The following ANKRD46 variants were observed in gnomAD, a reference collection of about 807,000 sequenced individuals.
ANKRD46 encodes ankyrin repeat domain-containing protein 46.
A neutral mutation model predicts 19.8 loss-of-function variants in ANKRD46; 13 were observed. The observed-to-expected ratio is 0.66, with a 90% confidence interval of 0.43 to 1.04. The LOEUF (loss-of-function observed/expected upper bound fraction) is 1.04, where lower values mean the gene tolerates loss of function less well. Ranked by LOEUF, ANKRD46 falls within the 50% of genes least tolerant of loss-of-function variation. ANKRD46 has a pLI of 0.00. For synonymous variants in ANKRD46, 91 were observed against 106.9 expected, an observed-to-expected ratio of 0.85 and a Z score of 0.92; for missense variants, 185 against 274.8, an observed-to-expected ratio of 0.67 and a Z score of 2.31.
At chr8:100,549,249 C>T (rs1415521475) in intron 1 of ANKRD46, among the ~76,000 whole-genome samples, 2 of 151,490 alleles carry the variant, frequency 1.3e-5, no homozygotes, top group Non-Finnish European at 2.9e-5. Context: ...GGACTACAGG[C>T]GTGAGCCACT....
At chr8:100,539,718 T>C (rs1348427812) in intron 1 of ANKRD46, among the ~76,000 whole-genome samples, 4 of 152,220 alleles carry the variant, frequency 2.6e-5, no homozygotes, top group Non-Finnish European at 5.9e-5. Context: ...AAAAATGAGG[T>C]TAATTTGAAG....
In ANKRD46 at chr8:100,525,788, T is replaced by C. The variant is rs1022397500; in HGVS notation, c.470+2057A>G. ...GGCACTGCTGGTCAGATGGTAACTCTACGTGTAGCTTTTTGAAGGACTGCC... is the reference window on the plus strand; with the variant it reads ...GGCACTGCTGGTCAGATGGTAACTCCACGTGTAGCTTTTTGAAGGACTGCC... On this transcript the variant is annotated intron_variant, in intron 4 of 4. Coordinates refer to ENST00000335659, the MANE Select transcript of ANKRD46 (RefSeq NM_001270377.2). This position sits in a 1 kb window ranked among gnomAD's most constrained non-coding sequence, Gnocchi z 4.4. Among the ~76,000 whole-genome samples, 5 of 152,232 alleles carry C rather than the reference T, an allele frequency of 3.3e-5. No homozygotes were observed. The highest frequency in any genetic ancestry group is 4.8e-5 in the African/African-American group (2 of 41,466).
intron 5 of ANKRD46, among the ~76,000 whole-genome samples, chr8:100,515,333 C>G (rs967542159): frequency 6.6e-6 from 1 of 152,160 alleles, no homozygotes; most frequent in East Asian, 1.9e-4. Flanking sequence ...AGCTTCCTCA[C>G]GGTATTTCCA....
rs1811984507 is a variant in ANKRD46, at chr8:100,532,443, T to C, written c.-28+766A>G. On this transcript the variant is annotated intron_variant, in intron 2 of 4. Coordinates refer to ENST00000335659, the MANE Select transcript of ANKRD46 (RefSeq NM_001270377.2). This position sits in a 1 kb window ranked among gnomAD's most constrained non-coding sequence, Gnocchi z 4.7. ...GTGATTGAGCCACAGCACTCCAGCC[T>C]GGGCATCAAAGTGAGGCCTGTCTCA... 6.6e-6 allele frequency: 1 copy of C among 152,162 alleles called. No homozygotes were observed. The highest frequency in any genetic ancestry group is 1.5e-5 in the Non-Finnish European group (1 of 68,048). 9.4% of individuals were successfully genotyped at this position (152,162 alleles called of 1,614,324 possible). A position where few individuals can be genotyped will look rare whatever the true frequency, so the allele number is the denominator to read the frequency against.
chr8:100,545,913 G>C lies in ANKRD46; in HGVS notation c.-130-12602C>G, dbSNP rs1336528605. On this transcript the variant is annotated intron_variant, in intron 1 of 4. Coordinates refer to ENST00000335659, the MANE Select transcript of ANKRD46 (RefSeq NM_001270377.2). The surrounding 1 kb of genome is among the most constrained non-coding windows in gnomAD (Gnocchi z 4.7). ...CATTTTGCCCCTGACCTAGAGATCT[G>C]CGGAACTTTGAACTTGAGAGAGATG... Among the ~76,000 whole-genome samples, 1 of 152,214 alleles carries C rather than the reference G, an allele frequency of 6.6e-6. No individual in the cohort carries two copies. Among genetic ancestry groups the C allele is most frequent in the East Asian group, 1.9e-4 (1 of 5,202 alleles).
rs976707348 is a variant in ANKRD46, at chr8:100,543,017, T to C, written c.-130-9706A>G. Among the ~76,000 whole-genome samples the C allele has an allele frequency of 3.3e-5, 5 of 152,200 alleles. No individual in the cohort carries two copies. Among genetic ancestry groups the C allele is most frequent in the Non-Finnish European group, 4.4e-5 (3 of 68,040 alleles). On this transcript the variant is annotated intron_variant, in intron 1 of 4. Coordinates refer to ENST00000335659, the MANE Select transcript of ANKRD46 (RefSeq NM_001270377.2). This position sits in a 1 kb window ranked among gnomAD's most constrained non-coding sequence, Gnocchi z 4.2. ...TTACATGTGTGTACTCAGAGCATTC[T>C]GGAGAATCTTTCAGAAACGGGAAAA... is the stretch of plus-strand genomic sequence containing the variant.
intron 5 of ANKRD46, among the ~76,000 whole-genome samples, chr8:100,515,556 C>T (rs1427944543): frequency 6.6e-6 from 1 of 151,170 alleles, no homozygotes; most frequent in Non-Finnish European, 1.5e-5. Context: ...TTTGGCCTAA[C>T]TATGAAAGTA....
Position 100,534,764 on chromosome 8 carries a change from G to A in ANKRD46, c.-130-1453C>T, listed in dbSNP as rs1399028969. Among the ~76,000 whole-genome samples, 1 of 152,130 alleles carries A rather than the reference G, an allele frequency of 6.6e-6. No homozygotes were observed. The highest frequency in any genetic ancestry group is 1.9e-4 in the East Asian group (1 of 5,196). ...AATCCACAAGAAGGACAATGCTTCT[G>A]CAATTTTTTCTTTTTTTATTTTTGA... On this transcript the variant is annotated intron_variant, in intron 1 of 4. Coordinates refer to ENST00000335659, the MANE Select transcript of ANKRD46 (RefSeq NM_001270377.2). The surrounding 1 kb of genome is among the most constrained non-coding windows in gnomAD (Gnocchi z 4.2).
chr8:100,549,276 G>GT (rs1162713415), intron 1 of ANKRD46, among the ~76,000 whole-genome samples: 10 of 151,954 alleles, frequency 6.6e-5, no homozygotes, highest in Non-Finnish European at 1.5e-4. Context: ...AGCCTGGAAT[G>GT]TTTTAACAAG....
intron 4 of ANKRD46, among the ~76,000 whole-genome samples, chr8:100,526,646 T>C (rs1397154223): frequency 6.6e-6 from 1 of 152,136 alleles, no homozygotes; most frequent in East Asian, 1.9e-4. Flanking sequence ...TAGGACTGTA[T>C]TAAAGTGCTT....
At chr8:100,541,493 G>C (rs1390534928) in intron 1 of ANKRD46, among the ~76,000 whole-genome samples, 4 of 152,154 alleles carry the variant, frequency 2.6e-5, no homozygotes, top group Non-Finnish European at 4.4e-5. Context: ...ACTGTTATGT[G>C]AACAACACAG....
intron 1 of ANKRD46, among the ~76,000 whole-genome samples, chr8:100,538,575 CAAACAGGG>C (rs1343445212): frequency 6.6e-6 from 1 of 152,090 alleles, no homozygotes; most frequent in East Asian, 1.9e-4. Context: ...CATCCCTCTT[CAAACAGGG>C]GTTTGAAGAG....
intron 2 of ANKRD46, among the ~76,000 whole-genome samples, chr8:100,530,748 T>C (rs993301921): frequency 1.3e-5 from 2 of 152,216 alleles, no homozygotes; most frequent in African/African-American, 4.8e-5. Context: ...AATCAGAGCA[T>C]GAAATCAATT....
Position 100,554,946 on chromosome 8 carries a change from C to T in ANKRD46, c.-131+4765G>A, listed in dbSNP as rs896387571. Among the ~76,000 whole-genome samples, 3 of 147,326 alleles carry T rather than the reference C, an allele frequency of 2.0e-5. No individual in the cohort carries two copies. The East Asian group carries it at 6.1e-4, about 30-fold the overall frequency. On this transcript the variant is annotated intron_variant, in intron 1 of 4. Coordinates refer to ENST00000335659, the MANE Select transcript of ANKRD46 (RefSeq NM_001270377.2). ...ACTCAGGAGGCTGAGGCAGGAGAAT[C>T]GTTTGATGCAGTGAGCCAAGATTGT...
At chr8:100,509,833 G>A (rs1411765013) in exon 6 of ANKRD46, 2 of 152,228 alleles carry the variant, frequency 1.3e-5, no homozygotes, top group Non-Finnish European at 2.9e-5. Flanking sequence ...CTTCAGGGAT[G>A]GACTCTGGGC....
In ANKRD46 at chr8:100,521,140, A is replaced by G. The variant is rs190572576; in HGVS notation, c.*1415T>C. On this transcript the variant is annotated 3_prime_UTR_variant, in exon 5 of 5. Coordinates refer to ENST00000335659, the MANE Select transcript of ANKRD46 (RefSeq NM_001270377.2). Reference sequence around the variant, plus strand: ...TACAACAGCTATTAAAGAGAGGATAAAGCCACATGAAAGAGCAAGCCTCAA... The same window carrying G: ...TACAACAGCTATTAAAGAGAGGATAGAGCCACATGAAAGAGCAAGCCTCAA... 1.1e-5 allele frequency: 11 copies of G among 985,090 alleles called. No individual in the cohort carries two copies. In the Admixed American group the frequency reaches 6.2e-4, roughly 55 times the overall value. The allele number at this position is 985,090 out of a possible 1,614,324, so 61.0% of individuals were successfully genotyped here.
At chr8:100,542,656 C>T (rs1359258744) in intron 1 of ANKRD46, among the ~76,000 whole-genome samples, 1 of 152,030 alleles carries the variant, frequency 6.6e-6, no homozygotes, top group East Asian at 1.9e-4. Flanking sequence ...GAAGTACATG[C>T]TTAGAAATGG....
At position 100,544,176 on chromosome 8, in the gene ANKRD46, A is replaced by C. The variant is rs1367402594; in HGVS notation, c.-130-10865T>G. 6.6e-6 allele frequency among the ~76,000 whole-genome samples: 1 copy of C among 152,158 alleles called. No individual in the cohort carries two copies. Among genetic ancestry groups the C allele is most frequent in the African/African-American group, 2.4e-5 (1 of 41,432 alleles). ...CCTTTTGGCTACCCCAAGCAGCAAG[A>C]AATCTGCCCATACAACCATCCCTAA... On this transcript the variant is annotated intron_variant, in intron 1 of 4. Coordinates refer to ENST00000335659, the MANE Select transcript of ANKRD46 (RefSeq NM_001270377.2). The surrounding 1 kb of genome is among the most constrained non-coding windows in gnomAD (Gnocchi z 4.4).
Position 100,510,486 on chromosome 8 carries a change from G to T in ANKRD46, c.*91C>A. 2.3e-6 allele frequency: 3 copies of T among 1,278,434 alleles called. No homozygotes were observed. Among genetic ancestry groups the T allele is most frequent in the Non-Finnish European group, 2.1e-6 (2 of 935,968 alleles). 79.2% of individuals were successfully genotyped at this position (1,278,434 alleles called of 1,614,324 possible). A position where few individuals can be genotyped will look rare whatever the true frequency, so the allele number is the denominator to read the frequency against. On this transcript the variant is annotated 3_prime_UTR_variant, in exon 6 of 6. Coordinates refer to the ANKRD46 transcript ENST00000520552. The surrounding 1 kb of genome is among the most constrained non-coding windows in gnomAD (Gnocchi z 4.9). ...GATGCTCCATGACACAAGTCGTGAC[G>T]GAAACAGCCCCACCCAACAGGGACG...
Sources: gnomAD v4.1 joint callset for allele counts (sites outside exome capture counted in the v4.1 genomes callset) on GRCh38, gnomAD v4.1.1 for gene constraint, Gnocchi (gnomAD v3.1) non-coding constraint, MANE v1.5 for transcripts, NCBI Gene and HGNC (gene_info 2026-07-23, HGNC 2026-07-21) for gene names.